CTPS2: variants seen among roughly 807,000 people sequenced by gnomAD.
The protein encoded by CTPS2 is CTP synthase 2.
In CTPS2, 19 loss-of-function variants were observed where a neutral mutation model predicts 46.8. The ratio of observed to expected loss-of-function variants is 0.41; its 90% CI spans 0.28 to 0.60. The LOEUF (loss-of-function observed/expected upper bound fraction) is 0.60, where lower values mean the gene tolerates loss of function less well. CTPS2 is among the 20% of genes least tolerant of loss of function. CTPS2 has a pLI of 0.35. For synonymous variants in CTPS2, 151 were observed against 165.2 expected (o/e 0.91, Z 0.66); for missense variants, 286 against 447.6 (o/e 0.64, Z 3.26).
chrX:16,681,331 C>A (rs1922726893), intron 9 of CTPS2, among the ~76,000 whole-genome samples: 1 of 111,930 alleles, frequency 8.9e-6, no homozygotes, highest in African/African-American at 3.2e-5. Flanking sequence ...CATTAAATTT[C>A]TTTAACATAT....
At chrX:16,624,586 A>G (rs756068898) in intron 14 of CTPS2, among the ~76,000 whole-genome samples, 1 of 111,861 alleles carries the variant, frequency 8.9e-6, no homozygotes, top group Non-Finnish European at 1.9e-5. Context: ...AGAACATTCC[A>G]CGACAAGGCA....
intron 14 of CTPS2, among the ~76,000 whole-genome samples, chrX:16,634,228 CTTCT>C (rs745635221): frequency 6.9e-4 from 77 of 111,782 alleles, no homozygotes; most frequent in Admixed American, 1.0e-3. Flanking sequence ...TAGAAAAAAT[CTTCT>C]TTCTTTTTTT....
intron 14 of CTPS2, among the ~76,000 whole-genome samples, chrX:16,624,945 C>T (rs1240034693): frequency 8.9e-6 from 1 of 112,076 alleles, no homozygotes; most frequent in Non-Finnish European, 1.9e-5. Context: ...TATACCATCT[C>T]TTTCTCTAAT....
chrX:16,638,118 G>A (rs1380341570), intron 14 of CTPS2, among the ~76,000 whole-genome samples: 1 of 110,060 alleles, frequency 9.1e-6, no homozygotes, highest in African/African-American at 3.3e-5. Context: ...AGCCGGGCGC[G>A]GTGGTAGGCG....
intron 17 of CTPS2, among the ~76,000 whole-genome samples, chrX:16,603,986 G>C (rs1032558377): frequency 4.5e-5 from 5 of 111,290 alleles, no homozygotes; most frequent in African/African-American, 1.6e-4. Flanking sequence ...AAGGAAAGAG[G>C]AAACGGAAGG....
intron 13 of CTPS2, among the ~76,000 whole-genome samples, chrX:16,643,275 T>C (rs1932166265): frequency 8.9e-6 from 1 of 112,262 alleles, no homozygotes. Context: ...TTCCTCATCG[T>C]TGAATATTTC....
chrX:16,691,483 A>C (rs1290973580), intron 7 of CTPS2, 57 bp downstream of exon 7: 71 of 966,744 alleles, frequency 7.3e-5, no homozygotes, highest in Non-Finnish European at 1.0e-4. Flanking sequence ...GAGGTACAAA[A>C]CACTGGCATC....
chrX:16,630,914 C>T (rs755582854), intron 14 of CTPS2, among the ~76,000 whole-genome samples: 1 of 113,187 alleles, frequency 8.8e-6, no homozygotes, highest in African/African-American at 3.2e-5. Context: ...TTGTCTGTAG[C>T]TGCTTTCACA....
At chrX:16,661,299 G>T (rs1056718118) in intron 13 of CTPS2, among the ~76,000 whole-genome samples, 10 of 111,866 alleles carry the variant, frequency 8.9e-5, no homozygotes, top group African/African-American at 2.9e-4. Flanking sequence ...TGGGAAAAAG[G>T]ATTTTTAGCC....
rs190599577 is a variant in CTPS2 at position 16,709,335 on chromosome X, C to T, written c.-40+3000G>A. ...CCCGGCTACTCAGGAGGCTGAGGCA[C>T]GAGAATTGCTTGAACCTGGGAGGTG... On this transcript the variant is annotated intron_variant, in intron 1 of 18. Coordinates refer to ENST00000359276, the MANE Select transcript of CTPS2 (RefSeq NM_175859.3). 5.7e-3 allele frequency among the ~76,000 whole-genome samples: 603 copies of T among 105,038 alleles called. 6 individuals carry two copies. Among genetic ancestry groups the T allele is most frequent in the African/African-American group, 0.02 (569 of 28,629 alleles). The allele number at this position is 105,038 out of a possible 115,157, so 91.2% of individuals were successfully genotyped here.
At chrX:16,636,929 A>T (rs192454383) in intron 14 of CTPS2, among the ~76,000 whole-genome samples, 1,410 of 111,468 alleles carry the variant, frequency 0.013, 19 homozygotes, top group African/African-American at 0.043. Flanking sequence ...AAAAAAATAA[A>T]AAATAAAAAA....
chrX:16,639,285 A>C, intron 13 of CTPS2, 42 bp from the exon 14 acceptor site: 1 of 992,796 alleles, frequency 1.0e-6, no homozygotes, highest in Non-Finnish European at 1.4e-6. Context: ...TCTTGTAAAA[A>C]TGTCATTTCC....
intron 4 of CTPS2, among the ~76,000 whole-genome samples, chrX:16,696,671 T>C (rs1317668744): frequency 9.0e-6 from 1 of 111,392 alleles, no homozygotes; most frequent in African/African-American, 3.3e-5. Flanking sequence ...CACCTGTGGA[T>C]AGCTACTGCA....
At chrX:16,601,572 CGGGGG>C (rs5901589) in intron 17 of CTPS2, among the ~76,000 whole-genome samples, 1,319 of 70,662 alleles carry the variant, frequency 0.019, 36 homozygotes, top group African/African-American at 0.064. Flanking sequence ...GGGAAGCCAT[CGGGGG>C]GGGGGGGGTT....
intron 13 of CTPS2, among the ~76,000 whole-genome samples, chrX:16,657,189 CTT>C (rs770294993): frequency 3.7e-4 from 31 of 84,598 alleles, no homozygotes; most frequent in Admixed American, 8.2e-4. Flanking sequence ...CATGCCCGGC[CTT>C]TTTTTTTTTT....
chrX:16,608,314 C>T (rs1316866970), intron 17 of CTPS2, among the ~76,000 whole-genome samples: 1 of 111,486 alleles, frequency 9.0e-6, no homozygotes, highest in Non-Finnish European at 1.9e-5. Flanking sequence ...AGGCTGGGCA[C>T]AGTGGCTCAT....
At chrX:16,656,338 G>A (rs752862604) in intron 13 of CTPS2, among the ~76,000 whole-genome samples, 11 of 111,070 alleles carry the variant, frequency 9.9e-5, no homozygotes, top group Non-Finnish European at 1.3e-4. Context: ...TTTACCTCGC[G>A]CTCTAGAGCC....
In CTPS2 at chrX:16,609,542, T is replaced by A; in HGVS notation, c.1690A>T (p.Ser564Cys). 8.3e-7 allele frequency: 1 copy of A among 1,211,228 alleles called. No individual in the cohort carries two copies. The highest frequency in any genetic ancestry group is 1.7e-5 in the African/African-American group (1 of 57,865). ...TGCTAAGAGCAGTAAGCTGGTTACC[T>A]GGAAGACAGTTTGCAACCCTGTTGC... ...YLQQGCKLSS[S>C]DRYSDASDDS... The change falls in exon 17 of 19, where the codon AGT becomes TGT. Residue 564 changes from serine (S) to cysteine (C), a missense_variant and splice_region_variant. Transcript: ENST00000359276.
chrX:16,684,237 G>A (rs758540499), intron 8 of CTPS2, among the ~76,000 whole-genome samples: 1 of 110,890 alleles, frequency 9.0e-6, no homozygotes, highest in Non-Finnish European at 1.9e-5. Context: ...GGCCGGGCAC[G>A]GTGGCCCACA....
Sources: allele counts gnomAD v4.1 joint callset (sites outside exome capture counted in the v4.1 genomes callset), GRCh38; gene constraint gnomAD v4.1.1; transcripts MANE v1.5; gene names NCBI Gene and HGNC (gene_info 2026-07-23, HGNC 2026-07-21).